UQCC5: variants seen among roughly 807,000 people sequenced by gnomAD.
UQCC5 encodes the protein ubiquinol-cytochrome c reductase complex assembly factor 5.
At chr3:52,540,510 G>A in the UQCC5 span, 1 of 1,492,326 alleles carries the variant, frequency 6.7e-7, no homozygotes, top group East Asian at 2.6e-5. Flanking sequence ...AGTCAATAAA[G>A]TCAATATGAA....
chr3:52,541,406 G>A, the UQCC5 span: 1 of 152,194 alleles, frequency 6.6e-6, no homozygotes, highest in Non-Finnish European at 1.5e-5. Flanking sequence ...GATGCTTAAG[G>A]CCATAGGGTA....
the UQCC5 span, chr3:52,540,539 G>T: frequency 7.7e-7 from 1 of 1,293,450 alleles, no homozygotes; most frequent in Non-Finnish European, 1.1e-6. Context: ...ATTGGTTTCA[G>T]TGCCTTTTAA....
chr3:52,538,162 A>T, the UQCC5 span, among the ~76,000 whole-genome samples: 1 of 152,196 alleles, frequency 6.6e-6, no homozygotes, highest in African/African-American at 2.4e-5. Flanking sequence ...GGCAGAAAGG[A>T]TACCAAGAAG....
At chr3:52,540,602 A>G in the UQCC5 span, 1 of 726,392 alleles carries the variant, frequency 1.4e-6, no homozygotes, top group Non-Finnish European at 2.2e-6. Context: ...TATCAGCTGC[A>G]CAATATTCCA....
the UQCC5 span, among the ~76,000 whole-genome samples, chr3:52,539,527 A>T: frequency 1.3e-5 from 2 of 152,240 alleles, no homozygotes; most frequent in African/African-American, 4.8e-5. Flanking sequence ...GGACAGGGTC[A>T]AGGAACCTGA....
At chr3:52,536,713 G>A in the UQCC5 span, 1 of 1,549,864 alleles carries the variant, frequency 6.5e-7, no homozygotes, top group Non-Finnish European at 8.7e-7. Flanking sequence ...GGGCGATCCA[G>A]TGCTTAGTTC....
At chr3:52,536,765 A>G in the UQCC5 span, 1 of 1,551,766 alleles carries the variant, frequency 6.4e-7, no homozygotes, top group Non-Finnish European at 8.7e-7. Flanking sequence ...CATGTTCACC[A>G]GGGCCCAGGT....
At chr3:52,540,632 A>G in the UQCC5 span, 1 of 607,558 alleles carries the variant, frequency 1.6e-6, no homozygotes, top group Non-Finnish European at 2.7e-6. Flanking sequence ...TTTGCAAAGA[A>G]TTTTTATAGT....
chr3:52,540,470 G>C, the UQCC5 span: 3 of 1,532,214 alleles, frequency 2.0e-6, no homozygotes, highest in African/African-American at 4.2e-5. Flanking sequence ...ATCAGAGAAG[G>C]CTGGAAGATG....
the UQCC5 span, chr3:52,541,707 G>A: frequency 4.6e-5 from 7 of 152,158 alleles, no homozygotes; most frequent in African/African-American, 1.7e-4. Flanking sequence ...AACCTAACCT[G>A]ATAAACCATT....
chr3:52,540,713 A>AATTTT, the UQCC5 span: 3 of 416,228 alleles, frequency 7.2e-6, no homozygotes, highest in Non-Finnish European at 8.5e-6. Flanking sequence ...TCCTCCTAAA[A>AATTTT]CACTCACTCG....
the UQCC5 span, among the ~76,000 whole-genome samples, chr3:52,539,323 G>A: frequency 6.6e-6 from 1 of 152,196 alleles, no homozygotes; most frequent in African/African-American, 2.4e-5. Context: ...AAGCGGCTGA[G>A]CGGGTAAGAC....
chr3:52,539,637 G>T, the UQCC5 span, among the ~76,000 whole-genome samples: 1 of 126,200 alleles, frequency 7.9e-6, no homozygotes. Context: ...GAAGGAAGAA[G>T]ATTTTTTTTT....
the UQCC5 span, chr3:52,536,707 G>A: frequency 2.6e-6 from 4 of 1,545,458 alleles, no homozygotes; most frequent in Non-Finnish European, 3.5e-6. Context: ...GCGTCCGGGC[G>A]ATCCAGTGCT....
the UQCC5 span, chr3:52,536,699 G>A: frequency 6.5e-7 from 1 of 1,541,870 alleles, no homozygotes; most frequent in Non-Finnish European, 8.8e-7. Context: ...TCTCGGCTGC[G>A]TCCGGGCGAT....
the UQCC5 span, among the ~76,000 whole-genome samples, chr3:52,539,243 G>A: frequency 6.6e-6 from 1 of 152,158 alleles, no homozygotes; most frequent in African/African-American, 2.4e-5. Flanking sequence ...TTTTGAGGGT[G>A]TGTCAGGAAG....
chr3:52,538,148 T>C, the UQCC5 span, among the ~76,000 whole-genome samples: 4 of 152,080 alleles, frequency 2.6e-5, no homozygotes, highest in Non-Finnish European at 4.4e-5. Context: ...CTGGTCTAGG[T>C]TGGGGCAGAA....
chr3:52,538,234 A>G, the UQCC5 span, among the ~76,000 whole-genome samples: 1 of 152,214 alleles, frequency 6.6e-6, no homozygotes, highest in Non-Finnish European at 1.5e-5. Context: ...AAGTGGACTC[A>G]GGAGATGAGG....
At chr3:52,539,077 G>A in the UQCC5 span, among the ~76,000 whole-genome samples, 24 of 152,166 alleles carry the variant, frequency 1.6e-4, no homozygotes, top group African/African-American at 4.8e-4. Flanking sequence ...ATGGCCATTT[G>A]GGGGTGGGTG....
Sources: gnomAD v4.1 joint callset for allele counts (sites outside exome capture counted in the v4.1 genomes callset) on GRCh38, gnomAD v4.1.1 for gene constraint, MANE v1.5 for transcripts, NCBI Gene and HGNC (gene_info 2026-07-23, HGNC 2026-07-21) for gene names.